DENND1A: variants seen among roughly 807,000 people sequenced by gnomAD.
DENND1A encodes DENN domain containing 1A, also known as DENN domain-containing protein 1A.
DENND1A carries 51 observed loss-of-function variants against 113.7 expected under a neutral mutation model. The ratio of observed to expected loss-of-function variants is 0.45; its 90% CI spans 0.36 to 0.57. The LOEUF (loss-of-function observed/expected upper bound fraction) is 0.57, where lower values mean the gene tolerates loss of function less well. DENND1A is among the 20% of genes least tolerant of loss of function. DENND1A has a pLI of 0.00. For missense variants in DENND1A, 1,258 were observed against 1,395.9 expected, an observed-to-expected ratio of 0.90 and a Z score of 1.57; for synonymous variants, 565 against 570.8, an observed-to-expected ratio of 0.99 and a Z score of 0.14.
chr9:123,708,289 G>A lies in DENND1A; in HGVS notation c.303-31500C>T, dbSNP rs928778977. 1.7e-4 allele frequency among the ~76,000 whole-genome samples: 26 copies of A among 152,204 alleles called. 1 individual carries two copies. The highest frequency in any genetic ancestry group is 3.2e-4 in the Non-Finnish European group (22 of 68,018). ...ACCTTACATATATTCTATATAATTA[G>A]ATGCATAGGAAAGAATATATGTAAT... On this transcript the variant is annotated intron_variant, in intron 5 of 23. Transcript: ENST00000394215.
chr9:123,751,133 T>C (rs2069988739), intron 5 of DENND1A: 2 of 152,246 alleles, frequency 1.3e-5, no homozygotes, highest in South Asian at 4.1e-4. Flanking sequence ...ACTGGAACAG[T>C]CAGCAAGGAA....
rs1361194667 is a variant in DENND1A at position 123,381,889 on chromosome 9, G to A, written c.2756C>T (p.Pro919Leu). ...VSTPAGPFGA[P>L]PASLGPAFAS... ...AAAAGCCGGCCCCAGGGAAGCTGGA[G>A]GGGCCCCGAAAGGCCCGGCTGGTGT... The change falls in exon 24 of 24, where the codon CCT (proline) becomes CTT (leucine). Residue 919 changes from proline (P) to leucine (L), a missense_variant. This residue lies in a region of DENND1A where 1,159 missense variants were observed against 1,231.7 expected (regional missense o/e 0.94). Transcript: ENST00000394215. This position sits in a 1 kb window ranked among gnomAD's most constrained non-coding sequence, Gnocchi z 4.7. 2.1e-6 allele frequency: 3 copies of A among 1,457,280 alleles called. No individual in the cohort carries two copies. Among genetic ancestry groups the A allele is most frequent in the East Asian group, 2.5e-5 (1 of 40,270 alleles). The allele number at this position is 1,457,280 out of a possible 1,614,324, so 90.3% of individuals were successfully genotyped here.
chr9:123,476,518 C>T (rs531866496), intron 13 of DENND1A, among the ~76,000 whole-genome samples: 2 of 152,322 alleles, frequency 1.3e-5, no homozygotes, highest in South Asian at 4.1e-4. Context: ...TGTTGGTCAC[C>T]TGATCAGTGG....
chr9:123,844,943 G>A (rs941448502), intron 2 of DENND1A, among the ~76,000 whole-genome samples: 1 of 152,180 alleles, frequency 6.6e-6, no homozygotes, highest in South Asian at 2.1e-4. Context: ...AAGGGGCCAG[G>A]CACGGTGGCT....
At chr9:123,582,403 CTTT>C (rs1239970444) in intron 12 of DENND1A, among the ~76,000 whole-genome samples, 1 of 144,190 alleles carries the variant, frequency 6.9e-6, no homozygotes, top group Non-Finnish European at 1.5e-5. Flanking sequence ...TTCTAACTTT[CTTT>C]TTTTTTTTTT....
intron 1 of DENND1A, among the ~76,000 whole-genome samples, chr9:123,885,696 C>G (rs970618298): frequency 1.4e-4 from 21 of 152,200 alleles, no homozygotes; most frequent in African/African-American, 4.8e-4. Context: ...TGAGGGTAAG[C>G]CAATAGAGCA....
intron 5 of DENND1A, among the ~76,000 whole-genome samples, chr9:123,700,672 C>T (rs140337806): frequency 6.6e-6 from 1 of 152,272 alleles, no homozygotes; most frequent in African/African-American, 2.4e-5. Context: ...GGGTGATCTC[C>T]TTTACTAAAA....
intron 5 of DENND1A, among the ~76,000 whole-genome samples, chr9:123,719,540 C>T (rs769416505): frequency 3.9e-5 from 6 of 152,138 alleles, no homozygotes; most frequent in African/African-American, 1.2e-4. Flanking sequence ...TATTAATCCT[C>T]GTTTTAAAGA....
intron 13 of DENND1A, among the ~76,000 whole-genome samples, chr9:123,472,583 A>G (rs1438057361): frequency 6.6e-6 from 1 of 152,020 alleles, no homozygotes; most frequent in African/African-American, 2.4e-5. Context: ...TCGAGTGTCC[A>G]GGGCAGGACT....
At chr9:123,887,712 CCAT>C (rs990122088) in intron 1 of DENND1A, among the ~76,000 whole-genome samples, 1 of 151,774 alleles carries the variant, frequency 6.6e-6, no homozygotes, top group African/African-American at 2.4e-5. Flanking sequence ...TGGAGAACCA[CCAT>C]CAAGTCCTTG....
chr9:123,844,713 A>C (rs1842338374), intron 2 of DENND1A, among the ~76,000 whole-genome samples: 2 of 152,166 alleles, frequency 1.3e-5, no homozygotes, highest in East Asian at 3.8e-4. Context: ...GAAATTGATA[A>C]GCTAATACTA....
At chr9:123,883,734 C>T (rs1181119098) in intron 1 of DENND1A, among the ~76,000 whole-genome samples, 1 of 151,980 alleles carries the variant, frequency 6.6e-6, no homozygotes, top group Non-Finnish European at 1.5e-5. Flanking sequence ...AAGGTTATTC[C>T]TCTTCTTCTA....
chr9:123,766,751 T>C (rs1399335205), intron 4 of DENND1A, among the ~76,000 whole-genome samples: 1 of 152,198 alleles, frequency 6.6e-6, no homozygotes, highest in East Asian at 1.9e-4. Context: ...TAAAATGAGA[T>C]AATATATGAG....
At chr9:123,651,425 C>CAG (rs1442527875) in intron 9 of DENND1A, among the ~76,000 whole-genome samples, 1 of 152,226 alleles carries the variant, frequency 6.6e-6, no homozygotes, top group Non-Finnish European at 1.5e-5. Flanking sequence ...CACACACACT[C>CAG]TCTCTCTTTC....
intron 6 of DENND1A, among the ~76,000 whole-genome samples, chr9:123,672,853 A>G (rs568070164): frequency 7.4e-4 from 113 of 152,344 alleles, no homozygotes; most frequent in Admixed American, 1.7e-3. Context: ...CAGAAAACAA[A>G]CTAAGAGAAT....
At position 123,832,353 on chromosome 9, in the gene DENND1A, TA is replaced by T. The variant is rs1156977795; in HGVS notation, c.89-39724del. ...ACACTACCCATTCATTCAGAATGGC[TA>T]AAATTAAAAAGACCTTTAATAGTAA... On this transcript the variant is annotated intron_variant, in intron 2 of 23. Transcript: ENST00000394215. 3.3e-5 allele frequency among the ~76,000 whole-genome samples: 5 copies of T among 152,278 alleles called. 1 individual carries two copies. In the South Asian group the frequency reaches 8.3e-4, roughly 25 times the overall value.
intron 13 of DENND1A, among the ~76,000 whole-genome samples, chr9:123,553,767 C>CT (rs147631242): frequency 7.3e-5 from 11 of 151,272 alleles, no homozygotes; most frequent in Admixed American, 1.3e-4. Flanking sequence ...TACTTCAAAC[C>CT]TTTTTTTTTA....
At chr9:123,810,967 C>T (rs545401365) in intron 2 of DENND1A, among the ~76,000 whole-genome samples, 174 of 152,098 alleles carry the variant, frequency 1.1e-3, no homozygotes, top group African/African-American at 3.9e-3. Context: ...CCATGTTGGC[C>T]AGGCTGGTCT....
chr9:123,740,499 G>A (rs1028544789), intron 5 of DENND1A, among the ~76,000 whole-genome samples: 3 of 152,132 alleles, frequency 2.0e-5, no homozygotes, highest in African/African-American at 4.8e-5. Context: ...AAGGAGATCT[G>A]TAGAGGTAGC....
Sources: allele counts gnomAD v4.1 joint callset (sites outside exome capture counted in the v4.1 genomes callset), GRCh38; gene constraint gnomAD v4.1.1; regional missense constraint gnomAD v4.1.1; non-coding constraint Gnocchi (gnomAD v3.1); transcripts MANE v1.5; gene names NCBI Gene and HGNC (gene_info 2026-07-23, HGNC 2026-07-21).